Variants in TTI1 observed in about 807,000 individuals in gnomAD.
TTI1 encodes TELO2 interacting protein 1.
Under a neutral mutation model 85.4 loss-of-function variants are expected in TTI1, and 52 were observed. That is an observed-to-expected ratio of 0.61 (90% CI 0.49 to 0.77). TTI1 has a LOEUF of 0.77. TTI1 is among the 30% of genes least tolerant of loss of function. The pLI is 0.00. For synonymous variants in TTI1, 512 were observed against 503.9 expected (o/e 1.02, Z -0.22); for missense variants, 1,173 against 1,296.0 (o/e 0.91, Z 1.46).
At chr20:37,993,870 A>G (rs1342138777) in intron 7 of TTI1, among the ~76,000 whole-genome samples, 9 of 152,218 alleles carry the variant, frequency 5.9e-5, no homozygotes, top group Admixed American at 5.9e-4. Context: ...CTCTGACTGC[A>G]GTATGGAGAA....
At chr20:38,025,152 G>A (rs1223014810) in intron 1 of TTI1, among the ~76,000 whole-genome samples, 13 of 152,104 alleles carry the variant, frequency 8.5e-5, no homozygotes, top group Non-Finnish European at 1.9e-4. Flanking sequence ...CTAAACATTA[G>A]ACTAAACAGC....
intron 2 of TTI1, among the ~76,000 whole-genome samples, chr20:38,008,415 C>T (rs56958903): frequency 0.17 from 25,380 of 152,118 alleles, 2,472 homozygotes; most frequent in Middle Eastern, 0.34. Flanking sequence ...ATGGTGCAGA[C>T]GCGTGATGGA....
Position 38,011,712 on chromosome 20 carries a change from A to G in TTI1, c.2105T>C (p.Ile702Thr). Residue 702 changes from isoleucine to threonine, a missense_variant, in exon 2 of 8, where the codon ATC (isoleucine) becomes ACC (threonine). Physicochemically the swap from Ile to Thr is moderately conservative, Grantham distance 89 (BLOSUM62 -1). Transcript: ENST00000373447. ...AGCCAGATGACGCAGATTTAAAGAGATCCCATTCACTAAATAGTCTGAATT... is the reference window on the plus strand; with the variant it reads ...AGCCAGATGACGCAGATTTAAAGAGGTCCCATTCACTAAATAGTCTGAATT... ...NQNSDYLVNGISLNLRHLALH... is the reference protein window; with the variant it reads ...NQNSDYLVNGTSLNLRHLALH... The G allele has an allele frequency of 6.2e-7, 1 of 1,614,208 alleles. No homozygotes were observed. The highest frequency in any genetic ancestry group is 1.1e-5 in the South Asian group (1 of 91,084).
chr20:38,007,954 T>C (rs1028536317), intron 2 of TTI1, among the ~76,000 whole-genome samples: 1 of 152,244 alleles, frequency 6.6e-6, no homozygotes, highest in East Asian at 1.9e-4. Context: ...AGACTAGATA[T>C]GCTGCAAAGA....
At chr20:38,006,084 A>G in intron 3 of TTI1, 113 bp downstream of exon 3, 1 of 1,175,098 alleles carries the variant, frequency 8.5e-7, no homozygotes, top group Non-Finnish European at 1.2e-6. Context: ...TTAGCCTGGT[A>G]AGGTTATGAG....
Position 37,997,943 on chromosome 20 carries a change from C to T in TTI1, c.2794-990G>A, listed in dbSNP as rs573366222. Among the ~76,000 whole-genome samples, 154 of 152,082 alleles carry T rather than the reference C, an allele frequency of 1.0e-3. 1 individual carries two copies. The highest frequency in any genetic ancestry group is 3.5e-3 in the African/African-American group (145 of 41,502). On this transcript the variant is annotated intron_variant, in intron 5 of 7. Transcript: ENST00000373447. ...CTCTCCCTTAATCTCTTTCTTTTTT[C>T]GAGATGGAGTCTCACTCTGTCGCAC...
intron 3 of TTI1, 83 bp downstream of exon 3, chr20:38,006,114 C>T: frequency 6.7e-7 from 1 of 1,499,456 alleles, no homozygotes; most frequent in East Asian, 2.3e-5. Context: ...TTATTTCTAC[C>T]CTTTCTGTAA....
rs1264327006 is a variant in TTI1 at position 38,013,220 on chromosome 20, T to C, written c.597A>G (p.Gln199=). 6.2e-7 allele frequency: 1 copy of C among 1,613,966 alleles called. No individual in the cohort carries two copies. Among genetic ancestry groups the C allele is most frequent in the African/African-American group, 1.3e-5 (1 of 74,918 alleles). The change falls in exon 2 of 8, where the codon CAA becomes CAG. Residue 199 remains glutamine, a synonymous_variant. Coordinates refer to ENST00000373447, the MANE Select transcript of TTI1 (RefSeq NM_001303457.2). ...DHPRSLDELE[Q]KQLGDLFASF... Reference sequence around the variant, plus strand: ...AGGCAAACAAATCCCCCAGCTGCTTTTGTTCAAGTTCATCCAATGACCTTG... The same window carrying C: ...AGGCAAACAAATCCCCCAGCTGCTTCTGTTCAAGTTCATCCAATGACCTTG...
At chr20:37,992,947 G>A (rs1174490700) in intron 7 of TTI1, among the ~76,000 whole-genome samples, 2 of 152,098 alleles carry the variant, frequency 1.3e-5, no homozygotes, top group African/African-American at 4.8e-5. Flanking sequence ...TGAGATGGGG[G>A]TGTGGCTGAT....
chr20:38,006,015 AAC>A (rs1366023284), intron 3 of TTI1, 180 bp downstream of exon 3: 26 of 735,256 alleles, frequency 3.5e-5, no homozygotes, highest in Non-Finnish European at 5.1e-5. Flanking sequence ...ACCACGGAAA[AAC>A]AGTTTTGTAA....
chr20:38,024,742 C>T (rs2122643916), intron 1 of TTI1, among the ~76,000 whole-genome samples: 2 of 152,318 alleles, frequency 1.3e-5, no homozygotes, highest in South Asian at 4.1e-4. Flanking sequence ...TGTAATGAGG[C>T]ACCCTCAACA....
chr20:37,995,077 C>T (rs1224151269), intron 7 of TTI1, among the ~76,000 whole-genome samples: 1 of 152,112 alleles, frequency 6.6e-6, no homozygotes, highest in Admixed American at 6.5e-5. Flanking sequence ...TAAGTCACAG[C>T]ACAATCAGCT....
At position 38,033,400 on chromosome 20, in the gene TTI1, T is replaced by C. The variant is rs1453723923; in HGVS notation, c.-42+4A>G. ...CCCTCTGGTTCCCGCCACTCTTCCC[T>C]TACCTCGTCTTCCAGCCTTTCTCTC... On this transcript the variant is annotated splice_donor_region_variant and intron_variant, in intron 1 of 7. Coordinates refer to ENST00000373447, the MANE Select transcript of TTI1 (RefSeq NM_001303457.2). 1.3e-5 allele frequency: 2 copies of C among 154,310 alleles called. No homozygotes were observed. Among genetic ancestry groups the C allele is most frequent in the African/African-American group, 4.8e-5 (2 of 41,470 alleles). 9.6% of individuals were successfully genotyped at this position (154,310 alleles called of 1,614,324 possible).
rs1309062254 is a variant in TTI1 at position 37,996,663 on chromosome 20, G to C, written c.2998+86C>G. 9 of 1,485,304 alleles carry C rather than the reference G, an allele frequency of 6.1e-6. No homozygotes were observed. In the South Asian group the frequency reaches 1.0e-4, roughly 17 times the overall value. The allele number at this position is 1,485,304 out of a possible 1,614,324, so 92.0% of individuals were successfully genotyped here. ...AGGAGGTACACAGAGGGGAGGGGAG[G>C]GGGGCACGACTGAGCAGAGGGCATG... On this transcript the variant is annotated intron_variant, in intron 6 of 7. Transcript: ENST00000373447.
chr20:37,998,596 A>C lies in TTI1; in HGVS notation c.2793+592T>G, dbSNP rs187848437. ...TAAGCCAGGGAGAATAATACCTTAC[A>C]TATATATAGGACTGTTAGCTTTTCA... On this transcript the variant is annotated intron_variant, in intron 5 of 7. Coordinates refer to ENST00000373447, the MANE Select transcript of TTI1 (RefSeq NM_001303457.2). Among the ~76,000 whole-genome samples, 8 of 152,318 alleles carry C rather than the reference A, an allele frequency of 5.3e-5. No homozygotes were observed. In the East Asian group the frequency reaches 1.5e-3, roughly 29 times the overall value.
chr20:37,990,304 A>G (rs2073245594), intron 7 of TTI1, among the ~76,000 whole-genome samples: 1 of 152,254 alleles, frequency 6.6e-6, no homozygotes, highest in Non-Finnish European at 1.5e-5. Context: ...ACTACTATTT[A>G]GTGACTTTTA....
chr20:37,993,122 T>A (rs941224876), intron 7 of TTI1, among the ~76,000 whole-genome samples: 1 of 151,378 alleles, frequency 6.6e-6, no homozygotes, highest in Non-Finnish European at 1.5e-5. Flanking sequence ...CTTTTTTTTT[T>A]TTTTTTTGCA....
In TTI1 at chr20:37,996,772, G is replaced by C; in HGVS notation, c.2975C>G (p.Pro992Arg). The change falls in exon 6 of 8, where the codon CCC becomes CGC. Residue 992 changes from proline (P) to arginine (R), a missense_variant. Pro to Arg is a moderately radical substitution (Grantham distance 103). Transcript: ENST00000373447. ...ACCTAGGTCCAGTCTCTCACAGAGG[G>C]GGCCCAGGCCCTGTAAGACAGCCAG... ...LQLAVLQGLG[P>R]LCERLDLGEG... 1 of 1,612,178 alleles carries C rather than the reference G, an allele frequency of 6.2e-7. No homozygotes were observed. Among genetic ancestry groups the C allele is most frequent in the Non-Finnish European group, 8.5e-7 (1 of 1,178,496 alleles).
chr20:38,003,008 T>C (rs1162907475), intron 3 of TTI1, among the ~76,000 whole-genome samples: 6 of 152,226 alleles, frequency 3.9e-5, no homozygotes, highest in Non-Finnish European at 5.9e-5. Flanking sequence ...CTGTCCAAGC[T>C]GGAGTACAGT....
Sources: gnomAD v4.1 joint callset for allele counts (sites outside exome capture counted in the v4.1 genomes callset) on GRCh38, gnomAD v4.1.1 for gene constraint, MANE v1.5 for transcripts, NCBI Gene and HGNC (gene_info 2026-07-23, HGNC 2026-07-21) for gene names.